Variants in ABHD8 observed in about 807,000 individuals in gnomAD.
ABHD8 encodes abhydrolase domain containing 8, also known as protein ABHD8.
Under a neutral mutation model 29.3 loss-of-function variants are expected in ABHD8, and 10 were observed. That is an observed-to-expected ratio of 0.34 (90% CI 0.21 to 0.58). The LOEUF (loss-of-function observed/expected upper bound fraction) is 0.58. Ranked by LOEUF, ABHD8 falls within the 20% of genes least tolerant of loss-of-function variation. The pLI is 0.85. For synonymous variants in ABHD8, 282 were observed against 274.6 expected (o/e 1.03, Z -0.27); for missense variants, 556 against 615.3 (o/e 0.90, Z 1.02).
intron 2 of ABHD8, 50 bp from the exon 3 acceptor site, chr19:17,294,895 A>G (rs781044771): frequency 2.1e-5 from 34 of 1,593,738 alleles, no homozygotes; most frequent in Non-Finnish European, 2.9e-5. Flanking sequence ...GGCGGTCAGC[A>G]GGATACAAGC....
intron 4 of ABHD8, 92 bp downstream of exon 4, chr19:17,294,196 C>T: frequency 6.9e-7 from 1 of 1,446,362 alleles, no homozygotes; most frequent in Non-Finnish European, 9.2e-7. Context: ...GCACGCCCAC[C>T]AAGCGCTACC....
At chr19:17,300,815 C>A in intron 2 of ABHD8, 41 bp downstream of exon 2, 2 of 1,546,666 alleles carry the variant, frequency 1.3e-6, no homozygotes, top group Non-Finnish European at 1.7e-6. Flanking sequence ...CCCTGCTGAC[C>A]CCATCCCTCA....
At chr19:17,295,131 C>T (rs2074088292) in intron 2 of ABHD8, among the ~76,000 whole-genome samples, 1 of 131,576 alleles carries the variant, frequency 7.6e-6, no homozygotes, top group Non-Finnish European at 1.6e-5. Context: ...CGGAGTCTCG[C>T]TCTGTCGCCC....
Position 17,294,730 on chromosome 19 carries a change from T to C in ABHD8, c.877A>G (p.Met293Val), listed in dbSNP as rs752006334. ...AAGCAGTGCAGGACGCAGGTGGGCA[T>C]GTTGAAGATTGAGCAGAAGCTGGGC... ...LEPSFCSIFN[M>V]PTCVLHCLSP... The change falls in exon 3 of 5, where the codon ATG becomes GTG. Residue 293 changes from methionine to valine, a missense_variant. Physicochemically the swap from Met to Val is conservative, Grantham distance 21 (BLOSUM62 1). Coordinates refer to ENST00000247706, the MANE Select transcript of ABHD8 (RefSeq NM_024527.5). 4.3e-6 allele frequency: 7 copies of C among 1,613,966 alleles called. No individual in the cohort carries two copies. Among genetic ancestry groups the C allele is most frequent in the Non-Finnish European group, 5.9e-6 (7 of 1,180,016 alleles).
chr19:17,302,025 CT>C (rs1373839795), intron 1 of ABHD8, among the ~76,000 whole-genome samples: 1 of 152,026 alleles, frequency 6.6e-6, no homozygotes, highest in Non-Finnish European at 1.5e-5. Flanking sequence ...AACTCCTGAC[CT>C]CAAATTTTCC....
chr19:17,300,470 G>A (rs752721591), intron 2 of ABHD8, among the ~76,000 whole-genome samples: 2 of 151,478 alleles, frequency 1.3e-5, no homozygotes, highest in African/African-American at 4.9e-5. Context: ...GCCCCCGAAA[G>A]CACTGGGATT....
rs773565790 is a variant in ABHD8, at chr19:17,292,743, T to C, written c.1238A>G (p.His413Arg). The change falls in exon 5 of 5, where the codon CAC becomes CGC. Residue 413 changes from histidine to arginine, a missense_variant. This residue lies in a region of ABHD8 where 270 missense variants were observed against 353.9 expected (regional missense o/e 0.76). Coordinates refer to ENST00000247706, the MANE Select transcript of ABHD8 (RefSeq NM_024527.5). ...CTCGGGCTCCCAGAGCAGGAATTCGTGGAGCAGCGTGTTGACCGTCTCAGG... is the reference window on the plus strand; with the variant it reads ...CTCGGGCTCCCAGAGCAGGAATTCGCGGAGCAGCGTGTTGACCGTCTCAGG... ...ECPETVNTLL[H>R]EFLLWEPEPS... 13 of 1,613,696 alleles carry C rather than the reference T, an allele frequency of 8.1e-6. No individual in the cohort carries two copies. Among genetic ancestry groups the C allele is most frequent in the Non-Finnish European group, 1.0e-5 (12 of 1,179,924 alleles).
chr19:17,302,576 T>A (rs2074125753), intron 1 of ABHD8, among the ~76,000 whole-genome samples: 2 of 152,084 alleles, frequency 1.3e-5, no homozygotes, highest in Non-Finnish European at 2.9e-5. Context: ...CTTGCTCAGC[T>A]CCCCTAGACC....
At position 17,292,249 on chromosome 19, in the gene ABHD8, A is replaced by C; in HGVS notation, c.*412T>G. The C allele has an allele frequency of 2.3e-5, 5 of 220,182 alleles. No homozygotes were observed. The highest frequency in any genetic ancestry group is 4.6e-5 in the African/African-American group (2 of 43,574). The allele number at this position is 220,182 out of a possible 1,614,324, so 13.6% of individuals were successfully genotyped here. On this transcript the variant is annotated 3_prime_UTR_variant, in exon 5 of 5. Coordinates refer to ENST00000247706, the MANE Select transcript of ABHD8 (RefSeq NM_024527.5). ...CTCCCAGCGCCGAGGAATGGGGGGT[A>C]GGAAGGGTCTCGGATAACGGGATGG...
At chr19:17,297,744 C>CTTTTTTTTTTTTTTTT (rs71334702) in intron 2 of ABHD8, 1 of 130,262 alleles carries the variant, frequency 7.7e-6, no homozygotes. Flanking sequence ...GTTTTCTTTT[C>CTTTTTTTTTTTTTTTT]TTTTTTTTTT....
Position 17,294,422 on chromosome 19 carries a change from G to A in ABHD8, c.1015C>T (p.Arg339Trp). 1 of 1,614,110 alleles carries A rather than the reference G, an allele frequency of 6.2e-7. No homozygotes were observed. The highest frequency in any genetic ancestry group is 8.5e-7 in the Non-Finnish European group (1 of 1,180,008). Residue 339 changes from arginine to tryptophan, a missense_variant, in exon 4 of 5, where the codon CGG becomes TGG. Arg to Trp is a moderately radical substitution (Grantham distance 101). Around this residue, in one of 2 missense-constraint regions of ABHD8, gnomAD observed 270 missense variants for 353.9 expected, o/e 0.76. Transcript: ENST00000247706. Reference protein sequence around the residue: ...NAFNVSSFVLRAMMSGQYWPE... With the variant: ...NAFNVSSFVLWAMMSGQYWPE... ...CAGTACTGGCCGCTCATCATGGCCC[G>A]GAGTACGAAGGATGACACGTTGAAA...
chr19:17,297,462 C>T (rs986393670), intron 2 of ABHD8, among the ~76,000 whole-genome samples: 3 of 151,798 alleles, frequency 2.0e-5, no homozygotes, highest in Non-Finnish European at 4.4e-5. Context: ...TACCCAGCTA[C>T]TTTTTGTATT....
At chr19:17,297,391 G>A (rs2074097890) in intron 2 of ABHD8, among the ~76,000 whole-genome samples, 1 of 152,066 alleles carries the variant, frequency 6.6e-6, no homozygotes, top group Non-Finnish European at 1.5e-5. Context: ...CACCTCATGG[G>A]TTCGAATGAT....
chr19:17,292,898 G>C, intron 4 of ABHD8, 67 bp from the exon 5 acceptor site: 1 of 1,533,270 alleles, frequency 6.5e-7, no homozygotes, highest in Non-Finnish European at 8.8e-7. Context: ...GCTTCCCTGG[G>C]ACTCCGCCAT....
intron 2 of ABHD8, among the ~76,000 whole-genome samples, chr19:17,299,939 G>A (rs969758017): frequency 4.5e-4 from 66 of 147,030 alleles, no homozygotes; most frequent in Non-Finnish European, 7.6e-4. Context: ...TCCTTCTGTC[G>A]CCCAGGCTGG....
In ABHD8 at chr19:17,301,196, C is replaced by A. The variant is rs746198270; in HGVS notation, c.421G>T (p.Gly141Cys). The A allele has an allele frequency of 1.3e-5, 21 of 1,602,656 alleles. No individual in the cohort carries two copies. The African/African-American group carries it at 2.7e-4, about 20-fold the overall frequency. Residue 141 changes from glycine to cysteine, a missense_variant, in exon 2 of 5, where the codon GGC becomes TGC. Coordinates refer to ENST00000247706, the MANE Select transcript of ABHD8 (RefSeq NM_024527.5). ...CGCCGCCGCCCACCACTGCCACTGC[C>A]GCTGCCGCTGCCTGCGCTGCCGGGG... ...LAPGSAGSGS[G>C]SGSGGRRRRA...
rs2074075511 is a variant in ABHD8, at chr19:17,292,586, T to C, written c.*75A>G. On this transcript the variant is annotated 3_prime_UTR_variant, in exon 5 of 5. Coordinates refer to ENST00000247706, the MANE Select transcript of ABHD8 (RefSeq NM_024527.5). ...AACGGCCCGCCCAGGTGGTCTGCGC[T>C]GCAGACCTGGCGCAGGCTCGGGCCT... 4 of 1,467,460 alleles carry C rather than the reference T, an allele frequency of 2.7e-6. No homozygotes were observed. The highest frequency in any genetic ancestry group is 2.5e-5 in the East Asian group (1 of 40,624). 90.9% of individuals were successfully genotyped at this position (1,467,460 alleles called of 1,614,324 possible).
chr19:17,301,663 A>C (rs2074119813), intron 1 of ABHD8, 39 bp from the exon 2 acceptor site: 1 of 1,504,448 alleles, frequency 6.6e-7, no homozygotes, highest in African/African-American at 1.4e-5. Context: ...GTGCTGTCTC[A>C]ATGAGAACCC....
chr19:17,299,729 A>G lies in ABHD8; in HGVS notation c.761+1127T>C, dbSNP rs146235862. Among the ~76,000 whole-genome samples, 338 of 151,932 alleles carry G rather than the reference A, an allele frequency of 2.2e-3. 4 individuals are homozygous for G. Among genetic ancestry groups the G allele is most frequent in the Admixed American group, 0.015 (232 of 15,214 alleles). On this transcript the variant is annotated intron_variant, in intron 2 of 4. Transcript: ENST00000247706. The stretch of plus-strand genomic sequence containing the variant: ...TATTTAAAAGAAAAAAAAATTTTAA[A>G]AATGTAAAAATTAAATTGAAAAATG...
Sources: gnomAD v4.1 joint callset for allele counts (sites outside exome capture counted in the v4.1 genomes callset) on GRCh38, gnomAD v4.1.1 for gene constraint, gnomAD v4.1.1 regional missense constraint, MANE v1.5 for transcripts, NCBI Gene and HGNC (gene_info 2026-07-23, HGNC 2026-07-21) for gene names.